Variants in JHY observed in about 807,000 individuals in gnomAD.
JHY encodes the protein jhy protein homolog.
JHY carries 69 observed loss-of-function variants against 78.0 expected under a neutral mutation model. That is an observed-to-expected ratio of 0.88 (90% confidence interval 0.73 to 1.08). JHY has a LOEUF of 1.08. Among genes scored for constraint, JHY ranks in the 50% least tolerant of loss-of-function variants. The pLI, the probability that JHY is intolerant of heterozygous loss-of-function variation, is 0.00. For synonymous variants in JHY, 368 were observed against 342.6 expected (o/e 1.07, Z -0.82); for missense variants, 944 against 927.8 (o/e 1.02, Z -0.23).
chr11:122,893,240 A>ATTTCTGT (rs1352904806), intron 2 of JHY, among the ~76,000 whole-genome samples: 1 of 152,146 alleles, frequency 6.6e-6, no homozygotes, highest in Non-Finnish European at 1.5e-5. Context: ...GGTATTAGTC[A>ATTTCTGT]TTTCTGTTTT....
intron 6 of JHY, among the ~76,000 whole-genome samples, chr11:122,951,073 G>A (rs1319143923): frequency 6.6e-6 from 1 of 152,164 alleles, no homozygotes; most frequent in African/African-American, 2.4e-5. Flanking sequence ...CCAGACAGAG[G>A]GGATCATTAT....
intron 6 of JHY, among the ~76,000 whole-genome samples, chr11:122,954,686 G>A (rs1443999359): frequency 1.3e-5 from 2 of 152,310 alleles, no homozygotes; most frequent in East Asian, 1.9e-4. Context: ...GGGAGGCCGA[G>A]GTGGGTGGAT....
At chr11:122,957,637 C>A in intron 8 of JHY, 146 bp downstream of exon 8, 1 of 839,332 alleles carries the variant, frequency 1.2e-6, no homozygotes, top group Non-Finnish European at 1.7e-6. Context: ...TCAAGCTATC[C>A]TCCAAACTAA....
chr11:122,922,801 C>A (rs1863400475), intron 3 of JHY, among the ~76,000 whole-genome samples: 1 of 114,250 alleles, frequency 8.8e-6, no homozygotes. Flanking sequence ...CAGAGCGAGA[C>A]TCCGTCTCAA....
intron 3 of JHY, among the ~76,000 whole-genome samples, chr11:122,907,852 G>T (rs1591376240): frequency 6.9e-6 from 1 of 144,296 alleles, no homozygotes. Context: ...AAAAAAAAAA[G>T]GTGATTTTTT....
intron 7 of JHY, among the ~76,000 whole-genome samples, chr11:122,956,814 C>G (rs1035215588): frequency 6.6e-6 from 1 of 152,130 alleles, no homozygotes; most frequent in Non-Finnish European, 1.5e-5. Context: ...AAGGCCCGCA[C>G]GGAAAAGTGG....
rs538637274 is a variant in JHY at position 122,883,182 on chromosome 11, G to C, written c.-90+210G>C. On this transcript the variant is annotated intron_variant, in intron 1 of 8. Transcript: ENST00000227349. This position sits in a 1 kb window ranked among gnomAD's most constrained non-coding sequence, Gnocchi z 4.4. ...GCCGCCATGCGAGGCTTCGGCGCCC[G>C]GGCACCCAGAGCAGCCCTGTTCCCG... Among the ~76,000 whole-genome samples, 97 of 152,264 alleles carry C rather than the reference G, an allele frequency of 6.4e-4. No homozygotes were observed. Among genetic ancestry groups the C allele is most frequent in the African/African-American group, 2.3e-3 (95 of 41,568 alleles).
intron 6 of JHY, among the ~76,000 whole-genome samples, chr11:122,953,525 C>T (rs974001244): frequency 1.3e-5 from 2 of 150,120 alleles, no homozygotes; most frequent in African/African-American, 2.5e-5. Flanking sequence ...TCACTTGAAA[C>T]TGGGAGGTGG....
chr11:122,957,700 TA>T (rs968834297), intron 8 of JHY, among the ~76,000 whole-genome samples: 33 of 145,822 alleles, frequency 2.3e-4, no homozygotes, highest in East Asian at 7.9e-4. Flanking sequence ...TCTTGTAACT[TA>T]AAAAAAAAAC....
chr11:122,904,219 G>C lies in JHY; in HGVS notation c.639G>C (p.Leu213=), dbSNP rs948487611. 1 of 1,614,190 alleles carries C rather than the reference G, an allele frequency of 6.2e-7. No homozygotes were observed. Among genetic ancestry groups the C allele is most frequent in the Non-Finnish European group, 8.5e-7 (1 of 1,180,042 alleles). The change falls in exon 3 of 9, where the codon CTG becomes CTC. Residue 213 remains leucine (L), a synonymous_variant. Transcript: ENST00000227349. ...GARRSKPFSE[L]SDSDLEEKSS... is the part of the protein sequence containing the mutation. Reference sequence around the variant, plus strand: ...GTCGCAGCAAGCCGTTTTCAGAGCTGAGCGACAGTGACCTGGAGGAGAAGT... The same window carrying C: ...GTCGCAGCAAGCCGTTTTCAGAGCTCAGCGACAGTGACCTGGAGGAGAAGT...
intron 2 of JHY, 147 bp downstream of exon 2, chr11:122,886,340 G>T: frequency 2.7e-6 from 2 of 745,508 alleles, no homozygotes. Flanking sequence ...AGGATAGCTG[G>T]GCACCATGTT....
intron 8 of JHY, among the ~76,000 whole-genome samples, chr11:122,958,261 G>A (rs773950961): frequency 4.5e-4 from 68 of 152,270 alleles, no homozygotes; most frequent in Admixed American, 3.0e-3. Context: ...GTAAGGACAC[G>A]GGACCCTTTG....
intron 6 of JHY, among the ~76,000 whole-genome samples, chr11:122,952,756 T>C (rs759291405): frequency 7.9e-5 from 12 of 152,252 alleles, no homozygotes; most frequent in Non-Finnish European, 1.3e-4. Flanking sequence ...TTGTGAGCAC[T>C]GATCATTTCT....
intron 5 of JHY, 137 bp from the exon 6 acceptor site, chr11:122,946,361 A>G (rs577258323): frequency 2.3e-6 from 2 of 888,804 alleles, no homozygotes; most frequent in Non-Finnish European, 3.2e-6. Context: ...ATTCATGAAA[A>G]GATTAAGCTA....
chr11:122,962,499 A>C lies in JHY; in HGVS notation c.*3054A>C, dbSNP rs1864336462. Among the ~76,000 whole-genome samples, 1 of 152,230 alleles carries C rather than the reference A, an allele frequency of 6.6e-6. No individual in the cohort carries two copies. The highest frequency in any genetic ancestry group is 6.5e-5 in the Admixed American group (1 of 15,280). On this transcript the variant is annotated 3_prime_UTR_variant, in exon 9 of 9. Coordinates refer to ENST00000227349, the MANE Select transcript of JHY (RefSeq NM_024806.4). ...TGGAAAATGTAATATATGAGGCATT[A>C]GACAGGAAAATCACAGGCCAAAACT...
At chr11:122,950,460 C>T (rs1453352938) in intron 6 of JHY, among the ~76,000 whole-genome samples, 1 of 152,154 alleles carries the variant, frequency 6.6e-6, no homozygotes, top group Non-Finnish European at 1.5e-5. Context: ...AAAATGCAAG[C>T]TTTTGAGCTC....
At chr11:122,912,047 G>A (rs1327814428) in intron 3 of JHY, among the ~76,000 whole-genome samples, 1 of 151,996 alleles carries the variant, frequency 6.6e-6, no homozygotes, top group African/African-American at 2.4e-5. Flanking sequence ...AGCACTTTGG[G>A]AGGCTGGGGT....
intron 4 of JHY, among the ~76,000 whole-genome samples, chr11:122,929,630 G>A (rs939682185): frequency 1.3e-5 from 2 of 152,142 alleles, no homozygotes; most frequent in African/African-American, 2.4e-5. Context: ...GTGAGGTGCC[G>A]TGCAAGGGAC....
At chr11:122,906,734 A>T (rs1318085909) in intron 3 of JHY, among the ~76,000 whole-genome samples, 1 of 152,170 alleles carries the variant, frequency 6.6e-6, no homozygotes, top group African/African-American at 2.4e-5. Flanking sequence ...GTTAGTAGTT[A>T]TAAGTTAATT....
Sources: allele counts gnomAD v4.1 joint callset (sites outside exome capture counted in the v4.1 genomes callset), GRCh38; gene constraint gnomAD v4.1.1; non-coding constraint Gnocchi (gnomAD v3.1); transcripts MANE v1.5; gene names NCBI Gene and HGNC (gene_info 2026-07-23, HGNC 2026-07-21).